ANK1: variants seen among roughly 807,000 people sequenced by gnomAD.
The protein encoded by ANK1 is ankyrin 1.
ANK1 carries 51 observed loss-of-function variants against 210.4 expected under a neutral mutation model. The ratio of observed to expected loss-of-function variants is 0.24; its 90% CI spans 0.19 to 0.31. The LOEUF (loss-of-function observed/expected upper bound fraction) is 0.31. ANK1 is among the 10% of genes least tolerant of loss of function. The pLI, the probability that ANK1 is intolerant of heterozygous loss-of-function variation, is 1.00. For synonymous variants in ANK1, 967 were observed against 1,025.9 expected (o/e 0.94, Z 1.10); for missense variants, 2,051 against 2,504.4 (o/e 0.82, Z 3.86).
chr8:41,834,776 GCT>G lies in ANK1; in HGVS notation c.126+61577_126+61578del, dbSNP rs755153736. Among the ~76,000 whole-genome samples, 235 of 152,362 alleles carry G rather than the reference GCT, an allele frequency of 1.5e-3. 1 individual carries two copies. The highest frequency in any genetic ancestry group is 2.6e-3 in the Non-Finnish European group (174 of 68,036). On this transcript the variant is annotated intron_variant, in intron 1 of 42. Coordinates refer to the ANK1 transcript ENST00000265709. ...CCGGAGCACCTGGTCCCATGCTGGG[GCT>G]CAGCATCGCTGTCTGTCCAGGGATG...
At chr8:41,693,505 T>A (rs1015534335) in intron 29 of ANK1, among the ~76,000 whole-genome samples, 2 of 132,102 alleles carry the variant, frequency 1.5e-5, no homozygotes, top group Non-Finnish European at 3.1e-5. Context: ...TGGAATGATC[T>A]CGGCTCACTG....
intron 1 of ANK1, among the ~76,000 whole-genome samples, chr8:41,840,986 T>C (rs191009626): frequency 4.1e-4 from 62 of 152,192 alleles, no homozygotes; most frequent in Non-Finnish European, 5.9e-5. Flanking sequence ...CAGAGAACAG[T>C]GTGGAGGGTC....
chr8:41,656,100 C>T lies in ANK1; in HGVS notation c.*37-347G>A, dbSNP rs116220465. ...AGAGGGGCAGAGGCCCCCGTGCCTA[C>T]GTGGTCACCTGGGGAGACATCCCCC... On this transcript the variant is annotated intron_variant, in intron 42 of 42. Transcript: ENST00000289734. Among the ~76,000 whole-genome samples the T allele has an allele frequency of 4.0e-3, 612 of 152,376 alleles. 5 individuals are homozygous for T. Among genetic ancestry groups the T allele is most frequent in the African/African-American group, 0.014 (570 of 41,592 alleles).
At chr8:41,688,363 G>A in intron 34 of ANK1, 133 bp from the exon 35 acceptor site, 5 of 1,420,034 alleles carry the variant, frequency 3.5e-6, no homozygotes, top group Non-Finnish European at 5.0e-6. Context: ...AAGATCAGGG[G>A]AAGACCCGAG....
Position 41,725,955 on chromosome 8 carries a change from A to G in ANK1, c.427-9T>C, listed in dbSNP as rs770458224. 6.1e-5 allele frequency: 99 copies of G among 1,612,672 alleles called. No individual in the cohort carries two copies. Among genetic ancestry groups the G allele is most frequent in the Non-Finnish European group, 8.3e-5 (98 of 1,179,840 alleles). On this transcript the variant is annotated splice_polypyrimidine_tract_variant and intron_variant, in intron 5 of 42. Coordinates refer to ENST00000289734, the MANE Select transcript of ANK1 (RefSeq NM_000037.4). ...AGAGGCGTGAAGCCGTCCTGGCCAG[A>G]GGAGGAAAATGCTTTGCTCTGACTC...
At position 41,718,180 on chromosome 8, in the gene ANK1, C is replaced by A; in HGVS notation, c.1132G>T (p.Ala378Ser). ...ACACGGACGTGGTTCTTTTTGCAGGCGATGTGTAAGGGGGTAAAGCCATTC... is the reference window on the plus strand; with the variant it reads ...ACACGGACGTGGTTCTTTTTGCAGGAGATGTGTAAGGGGGTAAAGCCATTC... ...ALNGFTPLHI[A>S]CKKNHVRVME... The change falls in exon 11 of 43, where the codon GCC (alanine) becomes TCC (serine). Residue 378 changes from alanine to serine, a missense_variant. By Grantham distance (99) the Ala-to-Ser change is moderately conservative. Transcript: ENST00000289734. 6.2e-7 allele frequency: 1 copy of A among 1,613,892 alleles called. No individual in the cohort carries two copies. The highest frequency in any genetic ancestry group is 1.1e-5 in the South Asian group (1 of 91,076).
chr8:41,895,476 G>T (rs1820301131), intron 1 of ANK1, among the ~76,000 whole-genome samples: 1 of 152,188 alleles, frequency 6.6e-6, no homozygotes, highest in African/African-American at 2.4e-5. Context: ...TTGATCAGGG[G>T]TAAGAGGACC....
chr8:41,692,622 G>C (rs1279888581), intron 31 of ANK1, 26 bp downstream of exon 31: 1 of 1,599,318 alleles, frequency 6.3e-7, no homozygotes, highest in Non-Finnish European at 8.6e-7. Context: ...TTGTCCCAGA[G>C]GCGGTGCAGG....
rs147503452 is a variant in ANK1, at chr8:41,805,739, G to A, written c.127-47602C>T. Among the ~76,000 whole-genome samples, 487 of 152,274 alleles carry A rather than the reference G, an allele frequency of 3.2e-3. 3 individuals are homozygous for A. Among genetic ancestry groups the A allele is most frequent in the African/African-American group, 0.011 (446 of 41,552 alleles). ...TTTTCCAAAAACAAATCAGTGCAAA[G>A]AGGGTCACTACTTTCCATTTTTGCA... On this transcript the variant is annotated intron_variant, in intron 1 of 42. Coordinates refer to the ANK1 transcript ENST00000265709.
chr8:41,708,533 T>C (rs1052304540), intron 17 of ANK1, among the ~76,000 whole-genome samples: 4 of 152,220 alleles, frequency 2.6e-5, no homozygotes, highest in Non-Finnish European at 5.9e-5. Flanking sequence ...GGTCAATCTG[T>C]TTAGAAAGAT....
rs1212465374 is a variant in ANK1, at chr8:41,653,562, AG to A, written c.*2227del. 6.5e-6 allele frequency: 1 copy of A among 153,198 alleles called. No homozygotes were observed. The highest frequency in any genetic ancestry group is 1.5e-5 in the Non-Finnish European group (1 of 68,518). The allele number at this position is 153,198 out of a possible 1,614,324, so 9.5% of individuals were successfully genotyped here. On this transcript the variant is annotated 3_prime_UTR_variant, in exon 43 of 43. Coordinates refer to ENST00000289734, the MANE Select transcript of ANK1 (RefSeq NM_000037.4). ...AGCTGCGGGGTCCGCGGGGGCGCTA[AG>A]GGGGCTACTGGGTTGGCTGCAGCAG...
intron 1 of ANK1, among the ~76,000 whole-genome samples, chr8:41,811,014 G>C (rs556735364): frequency 9.8e-5 from 15 of 152,290 alleles, no homozygotes; most frequent in African/African-American, 3.6e-4. Context: ...TATCTCAAAG[G>C]CCCCTTCTTT....
At chr8:41,658,578 A>G (rs1415058854) in intron 42 of ANK1, among the ~76,000 whole-genome samples, 3 of 152,318 alleles carry the variant, frequency 2.0e-5, no homozygotes, top group Non-Finnish European at 4.4e-5. Context: ...GCCATTTGCC[A>G]TAGCTCTGTT....
chr8:41,704,086 C>A lies in ANK1; in HGVS notation c.2250G>T (p.Val750=). 1.2e-6 allele frequency: 2 copies of A among 1,614,166 alleles called. No individual in the cohort carries two copies. Among genetic ancestry groups the A allele is most frequent in the Admixed American group, 1.7e-5 (1 of 60,026 alleles). ...AAGCACCGTTTTTCAGAAGCAGAGT[C>A]ACGATGTCTGTGTGTCCCTGCTGGG... is the stretch of plus-strand genomic sequence containing the variant. The part of the protein sequence containing the change: ...QAAQQGHTDI[V]TLLLKNGASP... The change falls in exon 20 of 43, where the codon GTG becomes GTT. Residue 750 remains valine, a synonymous_variant. Coordinates refer to ENST00000289734, the MANE Select transcript of ANK1 (RefSeq NM_000037.4). This position sits in a 1 kb window ranked among gnomAD's most constrained non-coding sequence, Gnocchi z 4.1.
chr8:41,718,154 G>T lies in ANK1; in HGVS notation c.1158C>A (p.Val386=), dbSNP rs1433898635. 1 of 1,614,076 alleles carries T rather than the reference G, an allele frequency of 6.2e-7. No homozygotes were observed. Among genetic ancestry groups the T allele is most frequent in the Non-Finnish European group, 8.5e-7 (1 of 1,180,012 alleles). Residue 386 remains valine (V), a synonymous_variant, in exon 11 of 43, where the codon GTC becomes GTA. Transcript: ENST00000289734. ...CTCCCGTCTTCAGCAGCAGCTCCAT[G>T]ACACGGACGTGGTTCTTTTTGCAGG... ...HIACKKNHVR[V]MELLLKTGAS... is the part of the protein sequence containing the mutation.
At chr8:41,680,280 G>A (rs923645199) in intron 37 of ANK1, among the ~76,000 whole-genome samples, 1 of 152,094 alleles carries the variant, frequency 6.6e-6, no homozygotes, top group Non-Finnish European at 1.5e-5. Flanking sequence ...AAGATGTAAG[G>A]GGCCGGGCAC....
At chr8:41,852,187 G>A (rs1302533786) in intron 1 of ANK1, among the ~76,000 whole-genome samples, 1 of 152,196 alleles carries the variant, frequency 6.6e-6, no homozygotes, top group Non-Finnish European at 1.5e-5. Context: ...GGGAAAGGAG[G>A]AGGTCACGGC....
At position 41,744,394 on chromosome 8, in the gene ANK1, T is replaced by C. The variant is rs1025742908; in HGVS notation, c.130-10325A>G. Among the ~76,000 whole-genome samples the C allele has an allele frequency of 7.9e-5, 12 of 152,174 alleles. No homozygotes were observed. In the East Asian group the frequency reaches 2.3e-3, roughly 29 times the overall value. Reference sequence around the variant, plus strand: ...TATTAATGTCATTAATAGACTGAAATATTTCCCTCCCTCAACACAATACTG... The same window carrying C: ...TATTAATGTCATTAATAGACTGAAACATTTCCCTCCCTCAACACAATACTG... On this transcript the variant is annotated intron_variant, in intron 2 of 42. Coordinates refer to ENST00000289734, the MANE Select transcript of ANK1 (RefSeq NM_000037.4).
In ANK1 at chr8:41,723,182, G is replaced by C; in HGVS notation, c.852C>G (p.His284Gln). The C allele has an allele frequency of 6.2e-7, 1 of 1,614,158 alleles. No individual in the cohort carries two copies. Among genetic ancestry groups the C allele is most frequent in the Non-Finnish European group, 8.5e-7 (1 of 1,180,032 alleles). Residue 284 changes from histidine to glutamine, a missense_variant, in exon 9 of 43, where the codon CAC becomes CAG. His to Gln is a conservative substitution (Grantham distance 24). Transcript: ENST00000289734. ...TPLHCAARNG[H>Q]VRISEILLDH... Reference sequence around the variant, plus strand: ...CCAGCAGGATCTCTGAGATTCGCACGTGCCCATTTCGAGCTGCACAGTGGA... The same window carrying C: ...CCAGCAGGATCTCTGAGATTCGCACCTGCCCATTTCGAGCTGCACAGTGGA...
Sources: gnomAD v4.1 joint callset for allele counts (sites outside exome capture counted in the v4.1 genomes callset) on GRCh38, gnomAD v4.1.1 for gene constraint, Gnocchi (gnomAD v3.1) non-coding constraint, MANE v1.5 for transcripts, NCBI Gene and HGNC (gene_info 2026-07-23, HGNC 2026-07-21) for gene names.